DGKB: variants seen among roughly 807,000 people sequenced by gnomAD.
The protein encoded by DGKB is 90 kDa diacylglycerol kinase.
DGKB carries 67 observed loss-of-function variants against 114.3 expected under a neutral mutation model. The ratio of observed to expected loss-of-function variants is 0.59; its 90% CI spans 0.48 to 0.72. The LOEUF (loss-of-function observed/expected upper bound fraction) is 0.72, where lower values mean the gene tolerates loss of function less well. DGKB is among the 30% of genes least tolerant of loss of function. The pLI, the probability that DGKB is intolerant of heterozygous loss-of-function variation, is 0.00. For synonymous variants in DGKB, 398 were observed against 323.1 expected (o/e 1.23, Z -2.49); for missense variants, 907 against 975.2 (o/e 0.93, Z 0.93).
chr7:14,859,681 T>C (rs140721053), intron 1 of DGKB, among the ~76,000 whole-genome samples: 1 of 152,246 alleles, frequency 6.6e-6, no homozygotes, highest in African/African-American at 2.4e-5. Flanking sequence ...TGAAAGTAAC[T>C]ACATTATCTT....
At chr7:14,614,094 C>G (rs1806094842) in intron 15 of DGKB, among the ~76,000 whole-genome samples, 1 of 152,178 alleles carries the variant, frequency 6.6e-6, no homozygotes. Context: ...CTGCTTTCAT[C>G]ACAACTCAGC....
At chr7:14,972,733 G>C (rs998007506) in intron 1 of DGKB, among the ~76,000 whole-genome samples, 1 of 150,910 alleles carries the variant, frequency 6.6e-6, no homozygotes, top group African/African-American at 2.4e-5. Flanking sequence ...ATCATTCTTA[G>C]GAAATTGGAT....
chr7:14,346,155 GTC>G (rs952266947), intron 21 of DGKB, among the ~76,000 whole-genome samples: 2 of 151,660 alleles, frequency 1.3e-5, no homozygotes, highest in African/African-American at 2.4e-5. Flanking sequence ...ATTCGAGTAT[GTC>G]TCTCATATCA....
intron 1 of DGKB, among the ~76,000 whole-genome samples, chr7:14,867,087 T>C (rs777402812): frequency 6.6e-6 from 1 of 152,300 alleles, no homozygotes; most frequent in East Asian, 1.9e-4. Context: ...TTCGTTTCCA[T>C]ATTGTTGAGT....
At chr7:14,785,293 AG>A (rs1839719079) in intron 2 of DGKB, among the ~76,000 whole-genome samples, 1 of 152,182 alleles carries the variant, frequency 6.6e-6, no homozygotes. Context: ...TTTTGTAAAA[AG>A]TATAGAAAAC....
chr7:14,693,273 G>A lies in DGKB; in HGVS notation c.711+802C>T, dbSNP rs567032795. On this transcript the variant is annotated intron_variant, in intron 9 of 25. Coordinates refer to ENST00000402815, the MANE Select transcript of DGKB (RefSeq NM_001350709.2). ...TCTATACATAGTATATCTAATTATT[G>A]CATAACTATTAATGCTGAATTTAAA... is the stretch of plus-strand genomic sequence containing the variant. Among the ~76,000 whole-genome samples, 4 of 151,884 alleles carry A rather than the reference G, an allele frequency of 2.6e-5. No individual in the cohort carries two copies. In the East Asian group the frequency reaches 5.8e-4, roughly 22 times the overall value.
At chr7:14,960,221 G>A (rs550936356) in intron 1 of DGKB, among the ~76,000 whole-genome samples, 21 of 152,142 alleles carry the variant, frequency 1.4e-4, no homozygotes, top group Non-Finnish European at 3.1e-4. Context: ...TGTGACGAAT[G>A]CGTTTAGTTT....
intron 19 of DGKB, among the ~76,000 whole-genome samples, chr7:14,580,192 C>G (rs758903843): frequency 2.2e-4 from 33 of 152,274 alleles, no homozygotes; most frequent in Non-Finnish European, 4.1e-4. Context: ...CTCAATGTTC[C>G]CTCCGCCTAT....
At chr7:14,897,748 C>A (rs1001154103) in intron 1 of DGKB, among the ~76,000 whole-genome samples, 9 of 151,918 alleles carry the variant, frequency 5.9e-5, no homozygotes, top group African/African-American at 2.2e-4. Flanking sequence ...TTATACTAAT[C>A]ATGACTTCTA....
At chr7:14,608,803 C>T (rs62445598) in intron 16 of DGKB, among the ~76,000 whole-genome samples, 1 of 151,716 alleles carries the variant, frequency 6.6e-6, no homozygotes, top group Non-Finnish European at 1.5e-5. Context: ...GTCAAGAATA[C>T]AATATCATTT....
In DGKB at chr7:14,393,562, T is replaced by C. The variant is rs190268924; in HGVS notation, c.1836-48171A>G. Among the ~76,000 whole-genome samples the C allele has an allele frequency of 5.4e-3, 786 of 144,808 alleles. 5 individuals carry two copies. Among genetic ancestry groups the C allele is most frequent in the Middle Eastern group, 0.017 (5 of 290 alleles). The allele number at this position is 144,808 out of a possible 152,430, so 95.0% of individuals were successfully genotyped here. A position where few individuals can be genotyped will look rare whatever the true frequency, so the allele number is the denominator to read the frequency against. Reference sequence around the variant, plus strand: ...GACTGCAAAGTATGAGAATTCATTATCTGGCCTTTACAGGAAAAGTTTGCC... The same window carrying C: ...GACTGCAAAGTATGAGAATTCATTACCTGGCCTTTACAGGAAAAGTTTGCC... On this transcript the variant is annotated intron_variant, in intron 21 of 25. Transcript: ENST00000402815.
At chr7:14,724,190 T>C (rs1273036972) in intron 5 of DGKB, among the ~76,000 whole-genome samples, 1 of 152,182 alleles carries the variant, frequency 6.6e-6, no homozygotes, top group Non-Finnish European at 1.5e-5. Flanking sequence ...ATCAGATTTA[T>C]TTATCACATA....
intron 20 of DGKB, among the ~76,000 whole-genome samples, chr7:14,572,320 C>G (rs1016652240): frequency 6.6e-6 from 1 of 150,666 alleles, no homozygotes; most frequent in East Asian, 2.0e-4. Flanking sequence ...GGCATGGTGG[C>G]GGGTGCCTGT....
At chr7:14,715,833 T>C (rs955459726) in intron 6 of DGKB, among the ~76,000 whole-genome samples, 6 of 152,158 alleles carry the variant, frequency 3.9e-5, no homozygotes, top group African/African-American at 7.2e-5. Flanking sequence ...TTTCTCAACT[T>C]CAAGTCACAG....
At chr7:14,783,116 G>C (rs750447870) in intron 2 of DGKB, among the ~76,000 whole-genome samples, 1 of 152,012 alleles carries the variant, frequency 6.6e-6, no homozygotes, top group South Asian at 2.1e-4. Context: ...TTGAAGGCTC[G>C]ATCATTTCAA....
At chr7:14,357,372 A>C (rs1428843890) in intron 21 of DGKB, among the ~76,000 whole-genome samples, 3 of 151,760 alleles carry the variant, frequency 2.0e-5, no homozygotes, top group African/African-American at 7.3e-5. Flanking sequence ...GTCTCTTTTG[A>C]TCTTTGTTGG....
rs182675806 is a variant in DGKB, at chr7:14,858,146, A to G, written c.-187-16696T>C. 5.3e-5 allele frequency among the ~76,000 whole-genome samples: 8 copies of G among 152,304 alleles called. No individual in the cohort carries two copies. In the East Asian group the frequency reaches 1.5e-3, roughly 29 times the overall value. ...GTAAAATTGTTTTCCAATATTAACA[A>G]TCAGCAGTTTAAAAACATACCCTGG... On this transcript the variant is annotated intron_variant, in intron 1 of 25. Transcript: ENST00000402815.
chr7:14,842,154 G>A (rs1848028382), intron 1 of DGKB, among the ~76,000 whole-genome samples: 1 of 152,174 alleles, frequency 6.6e-6, no homozygotes, highest in Non-Finnish European at 1.5e-5. Context: ...GATTGGCACT[G>A]TATTCTTTAC....
intron 21 of DGKB, among the ~76,000 whole-genome samples, chr7:14,357,871 G>C (rs1320757080): frequency 6.6e-6 from 1 of 152,084 alleles, no homozygotes; most frequent in Non-Finnish European, 1.5e-5. Flanking sequence ...AGTTTGGCTG[G>C]ATATGAAATT....
Sources: gnomAD v4.1 joint callset for allele counts (sites outside exome capture counted in the v4.1 genomes callset) on GRCh38, gnomAD v4.1.1 for gene constraint, MANE v1.5 for transcripts, NCBI Gene and HGNC (gene_info 2026-07-23, HGNC 2026-07-21) for gene names.